The following ADAMTS9 variants were observed in gnomAD, a reference collection of about 807,000 sequenced individuals.
ADAMTS9 encodes ADAM metallopeptidase with thrombospondin type 1 motif 9.
A neutral mutation model predicts 257.1 loss-of-function variants in ADAMTS9; 107 were observed. That is an observed-to-expected ratio of 0.42 (90% CI 0.36 to 0.49). The LOEUF (loss-of-function observed/expected upper bound fraction) is 0.49. Among genes scored for constraint, ADAMTS9 ranks in the 20% least tolerant of loss-of-function variants. ADAMTS9 has a pLI of 0.03. For missense variants in ADAMTS9, 2,353 were observed against 2,469.1 expected, an observed-to-expected ratio of 0.95 and a Z score of 1.00; for synonymous variants, 982 against 880.9, an observed-to-expected ratio of 1.11 and a Z score of -2.03.
intron 19 of ADAMTS9, among the ~76,000 whole-genome samples, chr3:64,619,872 G>A (rs1056517117): frequency 3.3e-5 from 5 of 152,112 alleles, no homozygotes; most frequent in Non-Finnish European, 7.4e-5. Context: ...ATTCAGTTTA[G>A]CGGTTAGTTA....
At chr3:64,661,921 G>A (rs1341566720) in intron 3 of ADAMTS9, among the ~76,000 whole-genome samples, 2 of 151,662 alleles carry the variant, frequency 1.3e-5, no homozygotes, top group Non-Finnish European at 2.9e-5. Context: ...TTTCTCATTT[G>A]TTGATTTCTG....
intron 3 of ADAMTS9, among the ~76,000 whole-genome samples, chr3:64,662,725 G>A (rs1701254112): frequency 6.6e-6 from 1 of 152,060 alleles, no homozygotes. Context: ...AAGGTCTCCA[G>A]TCATAGGAAA....
intron 39 of ADAMTS9, among the ~76,000 whole-genome samples, chr3:64,517,371 C>T (rs980088332): frequency 5.7e-5 from 8 of 139,896 alleles, no homozygotes; most frequent in Non-Finnish European, 9.2e-5. Context: ...TCCCAAGTAG[C>T]TGGGTCTACA....
chr3:64,521,903 A>C (rs2082856739), intron 39 of ADAMTS9, among the ~76,000 whole-genome samples: 1 of 152,226 alleles, frequency 6.6e-6, no homozygotes, highest in African/African-American at 2.4e-5. Context: ...ACAAACTTGC[A>C]CATGTACCTC....
At chr3:64,549,050 G>A (rs1486365386) in intron 31 of ADAMTS9, among the ~76,000 whole-genome samples, 1 of 152,138 alleles carries the variant, frequency 6.6e-6, no homozygotes, top group Non-Finnish European at 1.5e-5. Context: ...AGGTAATAGA[G>A]GTCCCAGAGA....
intron 34 of ADAMTS9, 48 bp downstream of exon 34, chr3:64,541,478 C>G: frequency 1.2e-6 from 2 of 1,606,564 alleles, no homozygotes; most frequent in South Asian, 2.2e-5. Context: ...GCGGTGATCA[C>G]TCACTCTAAA....
chr3:64,596,016 TTAA>T (rs1164595808), intron 27 of ADAMTS9, among the ~76,000 whole-genome samples: 1 of 152,242 alleles, frequency 6.6e-6, no homozygotes, highest in Non-Finnish European at 1.5e-5. Context: ...CACAGTATTA[TTAA>T]TAATTATTCT....
At chr3:64,633,141 T>C (rs1431613525) in intron 14 of ADAMTS9, among the ~76,000 whole-genome samples, 1 of 152,170 alleles carries the variant, frequency 6.6e-6, no homozygotes, top group African/African-American at 2.4e-5. Flanking sequence ...CAGGAAGCAT[T>C]TGGGAAGCAT....
chr3:64,624,663 T>C (rs1232264289), intron 16 of ADAMTS9, among the ~76,000 whole-genome samples: 1 of 152,252 alleles, frequency 6.6e-6, no homozygotes, highest in East Asian at 1.9e-4. Flanking sequence ...AAGAATATAC[T>C]ACTTTGCTAT....
At chr3:64,667,370 C>T (rs760385091) in intron 3 of ADAMTS9, among the ~76,000 whole-genome samples, 1 of 152,146 alleles carries the variant, frequency 6.6e-6, no homozygotes, top group Non-Finnish European at 1.5e-5. Context: ...GCCAAACTTA[C>T]GGGATCTTTG....
chr3:64,576,615 T>A (rs2083854244), intron 28 of ADAMTS9, among the ~76,000 whole-genome samples: 1 of 152,206 alleles, frequency 6.6e-6, no homozygotes, highest in Non-Finnish European at 1.5e-5. Flanking sequence ...ACCCTGGCAC[T>A]TATTACCATG....
At chr3:64,659,513 A>C (rs1213290791) in intron 3 of ADAMTS9, among the ~76,000 whole-genome samples, 6 of 151,366 alleles carry the variant, frequency 4.0e-5, no homozygotes, top group Non-Finnish European at 8.8e-5. Context: ...CATATATATC[A>C]CTCCTGCTAT....
intron 38 of ADAMTS9, among the ~76,000 whole-genome samples, chr3:64,526,921 G>T (rs986964451): frequency 6.6e-6 from 1 of 152,118 alleles, no homozygotes; most frequent in Non-Finnish European, 1.5e-5. Context: ...TGTTTTCAGG[G>T]AAATGGGTAA....
chr3:64,658,080 G>T (rs1466718031), intron 4 of ADAMTS9, among the ~76,000 whole-genome samples: 1 of 152,110 alleles, frequency 6.6e-6, no homozygotes, highest in African/African-American at 2.4e-5. Context: ...AAGTTCCTAA[G>T]TGAGGCAAAA....
chr3:64,607,038 C>T lies in ADAMTS9; in HGVS notation c.3396G>A (p.Val1132=), dbSNP rs36103059. The T allele has an allele frequency of 2.2e-4, 353 of 1,613,752 alleles. No homozygotes were observed. Among genetic ancestry groups the T allele is most frequent in the Non-Finnish European group, 2.9e-4 (345 of 1,179,832 alleles). The part of the protein sequence containing the change: ...TCGQGYQLRA[V]KCIIGTYMSV... ...ACATATAAGTCCCAATGATGCATTT[C>T]ACTGCTCTTAGCTGGTATCCCTGTC... Residue 1132 remains valine, a synonymous_variant, in exon 23 of 40, where the codon GTG becomes GTA. Coordinates refer to ENST00000498707, the MANE Select transcript of ADAMTS9 (RefSeq NM_182920.2).
At chr3:64,615,259 G>C in intron 21 of ADAMTS9, 62 bp downstream of exon 21, 4 of 1,566,418 alleles carry the variant, frequency 2.6e-6, no homozygotes, top group South Asian at 1.2e-5. Flanking sequence ...TAAACAGATA[G>C]AGAGCACCAG....
intron 29 of ADAMTS9, among the ~76,000 whole-genome samples, chr3:64,564,641 T>C (rs576496339): frequency 4.3e-4 from 66 of 152,120 alleles, no homozygotes; most frequent in African/African-American, 1.5e-3. Context: ...GTCGTGTGCA[T>C]TGTAGAAAGT....
At chr3:64,597,054 G>T (rs1011095308) in intron 26 of ADAMTS9, 63 bp from the exon 27 acceptor site, 6 of 1,594,848 alleles carry the variant, frequency 3.8e-6, no homozygotes, top group Non-Finnish European at 5.1e-6. Flanking sequence ...CACAGAAGCA[G>T]CTGGTTGAAA....
At position 64,568,512 on chromosome 3, in the gene ADAMTS9, C is replaced by A. The variant is rs1390385568; in HGVS notation, c.4380G>T (p.Gly1460=). 2.6e-5 allele frequency: 42 copies of A among 1,613,960 alleles called. No individual in the cohort carries two copies. Among genetic ancestry groups the A allele is most frequent in the Non-Finnish European group, 3.6e-5 (42 of 1,179,942 alleles). The stretch of plus-strand genomic sequence containing the variant: ...TGCAGTAAACATTTCGTTGTTTATG[C>A]CCTCGACCACAAGAGACAGAACACT... ...WSSCSVSCGR[G]HKQRNVYCMA... Residue 1460 remains glycine, a synonymous_variant, in exon 29 of 40, where the codon GGG becomes GGT. Transcript: ENST00000498707.
Sources: allele counts gnomAD v4.1 joint callset (sites outside exome capture counted in the v4.1 genomes callset), GRCh38; gene constraint gnomAD v4.1.1; transcripts MANE v1.5; gene names NCBI Gene and HGNC (gene_info 2026-07-23, HGNC 2026-07-21).